The following SLC38A11 variants were observed in gnomAD, a reference collection of about 807,000 sequenced individuals.
The protein encoded by SLC38A11 is solute carrier family 38 member 11.
A neutral mutation model predicts 49.4 loss-of-function variants in SLC38A11; 51 were observed. The ratio of observed to expected loss-of-function variants is 1.03; its 90% CI spans 0.83 to 1.30. The LOEUF (loss-of-function observed/expected upper bound fraction) is 1.30. SLC38A11 is among the 50% of genes most tolerant of loss of function. The probability of loss-of-function intolerance (pLI) is 0.00; values close to 1 mark genes in which losing one functional copy is unlikely to be tolerated. For missense variants in SLC38A11, 574 were observed against 556.2 expected, an observed-to-expected ratio of 1.03 and a Z score of -0.32; for synonymous variants, 203 against 192.9, an observed-to-expected ratio of 1.05 and a Z score of -0.43.
intron 7 of SLC38A11, among the ~76,000 whole-genome samples, chr2:164,934,542 C>T (rs1490968674): frequency 6.6e-6 from 1 of 152,134 alleles, no homozygotes; most frequent in Non-Finnish European, 1.5e-5. Context: ...AGATGATTCT[C>T]ATGTGAAACA....
At position 164,896,868 on chromosome 2, in the gene SLC38A11, T is replaced by C. The variant is rs1394202619; in HGVS notation, c.*1569A>G. 1 of 152,102 alleles carries C rather than the reference T, an allele frequency of 6.6e-6. No homozygotes were observed. The highest frequency in any genetic ancestry group is 6.6e-5 in the Admixed American group (1 of 15,242). 9.4% of individuals were successfully genotyped at this position (152,102 alleles called of 1,614,324 possible). A position where few individuals can be genotyped will look rare whatever the true frequency, so the allele number is the denominator to read the frequency against. On this transcript the variant is annotated 3_prime_UTR_variant, in exon 12 of 12. Coordinates refer to ENST00000685975, the MANE Select transcript of SLC38A11 (RefSeq NM_001351537.2). ...GCTCTTGCCACTTTATTCAAACTACTGTGAACCTACCCTTTATACACTTCC... is the reference window on the plus strand; with the variant it reads ...GCTCTTGCCACTTTATTCAAACTACCGTGAACCTACCCTTTATACACTTCC...
In SLC38A11 at chr2:164,934,186, C is replaced by T. The variant is rs530780036; in HGVS notation, c.617+3164G>A. Among the ~76,000 whole-genome samples the T allele has an allele frequency of 2.0e-5, 3 of 152,004 alleles. No individual in the cohort carries two copies. The East Asian group carries it at 5.8e-4, about 29-fold the overall frequency. ...TGTCTTCTTCACTAAACTGCGAGCC[C>T]CTTAAAAGCAGAGATATTTTATTTC... On this transcript the variant is annotated intron_variant, in intron 7 of 11. Coordinates refer to ENST00000685975, the MANE Select transcript of SLC38A11 (RefSeq NM_001351537.2).
intron 7 of SLC38A11, among the ~76,000 whole-genome samples, chr2:164,919,575 C>T (rs1686036605): frequency 6.6e-6 from 1 of 152,084 alleles, no homozygotes; most frequent in Admixed American, 6.6e-5. Flanking sequence ...GGGATTGGTT[C>T]CAGGACCCTC....
intron 5 of SLC38A11, among the ~76,000 whole-genome samples, chr2:164,941,466 C>T (rs955160955): frequency 6.6e-6 from 1 of 152,040 alleles, no homozygotes; most frequent in Non-Finnish European, 1.5e-5. Context: ...ACAAGATATA[C>T]AAACAGAATG....
At chr2:164,941,804 A>G (rs1018087531) in intron 5 of SLC38A11, among the ~76,000 whole-genome samples, 1 of 152,150 alleles carries the variant, frequency 6.6e-6, no homozygotes, top group African/African-American at 2.4e-5. Flanking sequence ...GCATATATAT[A>G]TATTTACGTT....
intron 7 of SLC38A11, among the ~76,000 whole-genome samples, chr2:164,921,284 T>A (rs1449048848): frequency 1.3e-5 from 2 of 152,198 alleles, no homozygotes; most frequent in Non-Finnish European, 2.9e-5. Flanking sequence ...AAAAGCCATT[T>A]GTAATCTTTG....
At chr2:164,907,042 C>T (rs1023638086) in intron 11 of SLC38A11, among the ~76,000 whole-genome samples, 9 of 152,174 alleles carry the variant, frequency 5.9e-5, no homozygotes, top group African/African-American at 2.2e-4. Flanking sequence ...GTGGGTGATT[C>T]TGATGAGAAA....
In SLC38A11 at chr2:164,934,582, C is replaced by T. The variant is rs543257819; in HGVS notation, c.617+2768G>A. On this transcript the variant is annotated intron_variant, in intron 7 of 11. Coordinates refer to ENST00000685975, the MANE Select transcript of SLC38A11 (RefSeq NM_001351537.2). ...TTGAGAATCATTGCTTTACACTGTT[C>T]TCCCGTGGTGCAACTGAGGATTAAT... Among the ~76,000 whole-genome samples, 16 of 152,252 alleles carry T rather than the reference C, an allele frequency of 1.1e-4. No homozygotes were observed. In the South Asian group the frequency reaches 3.3e-3, roughly 32 times the overall value.
intron 11 of SLC38A11, among the ~76,000 whole-genome samples, chr2:164,902,916 G>T (rs147272852): frequency 1.3e-5 from 2 of 152,136 alleles, no homozygotes; most frequent in African/African-American, 4.8e-5. Context: ...TAGAATATAT[G>T]GAAAATATAC....
intron 7 of SLC38A11, among the ~76,000 whole-genome samples, chr2:164,934,988 C>T (rs1687259429): frequency 6.6e-6 from 1 of 152,048 alleles, no homozygotes; most frequent in Non-Finnish European, 1.5e-5. Flanking sequence ...CATACAGACT[C>T]ATACCCTCTA....
intron 7 of SLC38A11, among the ~76,000 whole-genome samples, chr2:164,920,018 G>A (rs913829346): frequency 1.3e-4 from 20 of 152,122 alleles, no homozygotes; most frequent in African/African-American, 4.3e-4. Flanking sequence ...GCTCACGTCC[G>A]TAATCCCAGC....
rs548659160 is a variant in SLC38A11, at chr2:164,923,079, A to T, written c.618-7106T>A. Reference sequence around the variant, plus strand: ...TTCCATATACAAAAACTAACTTGAGATGGATTAGAGATTTAAATGTAAGAC... The same window carrying T: ...TTCCATATACAAAAACTAACTTGAGTTGGATTAGAGATTTAAATGTAAGAC... On this transcript the variant is annotated intron_variant, in intron 7 of 11. Transcript: ENST00000685975. 5.3e-5 allele frequency among the ~76,000 whole-genome samples: 8 copies of T among 152,330 alleles called. No homozygotes were observed. The South Asian group carries it at 1.7e-3, about 32-fold the overall frequency.
chr2:164,927,058 C>A (rs1441630704), intron 7 of SLC38A11, among the ~76,000 whole-genome samples: 1 of 152,014 alleles, frequency 6.6e-6, no homozygotes, highest in Non-Finnish European at 1.5e-5. Flanking sequence ...GGTAATTAGG[C>A]CATTAGGGCA....
chr2:164,914,475 G>T (rs1324896392), intron 9 of SLC38A11, among the ~76,000 whole-genome samples: 3 of 151,916 alleles, frequency 2.0e-5, no homozygotes, highest in Admixed American at 1.3e-4. Context: ...TAGAACAACT[G>T]AGTAGAAACG....
At chr2:164,949,446 C>T (rs1471993627) in intron 3 of SLC38A11, among the ~76,000 whole-genome samples, 1 of 152,050 alleles carries the variant, frequency 6.6e-6, no homozygotes, top group East Asian at 1.9e-4. Flanking sequence ...TTAGTAGAGA[C>T]AGGGTTTCAC....
In SLC38A11 at chr2:164,952,737, A is replaced by G. The variant is rs1046063681; in HGVS notation, c.199T>C (p.Leu67=). 1.2e-6 allele frequency: 2 copies of G among 1,608,768 alleles called. No homozygotes were observed. The highest frequency in any genetic ancestry group is 1.7e-6 in the Non-Finnish European group (2 of 1,178,766). ...ACATATGAAACCCAGAATAAAAGCAATATTCCCAAAGGAAACCCAGCTTGC... is the reference window on the plus strand; with the variant it reads ...ACATATGAAACCCAGAATAAAAGCAGTATTCCCAAAGGAAACCCAGCTTGC... ...MKQAGFPLGI[L]LLFWVSYVTD... The change falls in exon 3 of 12, where the codon TTG becomes CTG. Residue 67 remains leucine, a synonymous_variant. Transcript: ENST00000685975.
intron 5 of SLC38A11, among the ~76,000 whole-genome samples, chr2:164,940,235 TATATATATATA>T (rs1687670214): frequency 7.8e-5 from 1 of 12,864 alleles, no homozygotes; most frequent in East Asian, 0.5. Flanking sequence ...ATTTTATATA[TATATATATATA>T]TATATATATA....
chr2:164,915,787 AT>A, intron 8 of SLC38A11, 115 bp downstream of exon 8: 1 of 708,018 alleles, frequency 1.4e-6, no homozygotes. Context: ...TATGCTGCTA[AT>A]AGGAAGTCTA....
rs766188365 is a variant in SLC38A11 at position 164,944,645 on chromosome 2, A to G, written c.365-11T>C. The G allele has an allele frequency of 2.8e-5, 32 of 1,151,044 alleles. No individual in the cohort carries two copies. The highest frequency in any genetic ancestry group is 3.0e-5 in the Non-Finnish European group (26 of 869,446). The allele number at this position is 1,151,044 out of a possible 1,614,324, so 71.3% of individuals were successfully genotyped here. ...TGTAACTTATCATTGCTAAAAACAT[A>G]ATTAAAATAAGAGTCATCAATAAGC... On this transcript the variant is annotated splice_polypyrimidine_tract_variant and intron_variant, in intron 4 of 11. Coordinates refer to ENST00000685975, the MANE Select transcript of SLC38A11 (RefSeq NM_001351537.2).
Sources: allele counts gnomAD v4.1 joint callset (sites outside exome capture counted in the v4.1 genomes callset), GRCh38; gene constraint gnomAD v4.1.1; transcripts MANE v1.5; gene names NCBI Gene and HGNC (gene_info 2026-07-23, HGNC 2026-07-21).